The following RASA1 variants were observed in gnomAD, a reference collection of about 807,000 sequenced individuals.
RASA1 encodes the protein ras GTPase-activating protein 1.
RASA1 carries 25 observed loss-of-function variants against 132.2 expected under a neutral mutation model. That is an observed-to-expected ratio of 0.19 (90% CI 0.14 to 0.26). RASA1 has a LOEUF of 0.26. Ranked by LOEUF, RASA1 falls within the 10% of genes least tolerant of loss-of-function variation. The probability of loss-of-function intolerance (pLI) is 1.00; values close to 1 mark genes in which losing one functional copy is unlikely to be tolerated. For missense variants in RASA1, 964 were observed against 1,299.2 expected (o/e 0.74, Z 3.97); for synonymous variants, 477 against 449.9 (o/e 1.06, Z -0.76).
At chr5:87,344,678 A>AT (rs113174684) in intron 6 of RASA1, among the ~76,000 whole-genome samples, 3,800 of 131,028 alleles carry the variant, frequency 0.029, 71 homozygotes, top group South Asian at 0.036. Context: ...AAATGTTGTA[A>AT]TTTTTTTTTT....
intron 11 of RASA1, among the ~76,000 whole-genome samples, chr5:87,365,991 G>T (rs1419919322): frequency 6.6e-6 from 1 of 152,062 alleles, no homozygotes; most frequent in Non-Finnish European, 1.5e-5. Context: ...GGTGAGAAAT[G>T]GAATCAAAAT....
At chr5:87,279,307 A>G (rs1394374222) in intron 1 of RASA1, among the ~76,000 whole-genome samples, 2 of 152,156 alleles carry the variant, frequency 1.3e-5, no homozygotes, top group African/African-American at 2.4e-5. Context: ...TAATTTGTCA[A>G]GTTCGTGTAA....
At chr5:87,269,214 T>A (rs1021227841) in intron 1 of RASA1, 2 of 1,575,784 alleles carry the variant, frequency 1.3e-6, no homozygotes, top group African/African-American at 1.3e-5. Context: ...AAGTGTAAAG[T>A]CTTTAAGATG....
At chr5:87,359,879 C>T (rs959557822) in intron 9 of RASA1, among the ~76,000 whole-genome samples, 13 of 152,270 alleles carry the variant, frequency 8.5e-5, no homozygotes, top group Admixed American at 7.8e-4. Context: ...GAAAGGTTTA[C>T]GTACCTGAAA....
intron 5 of RASA1, 127 bp from the exon 6 acceptor site, chr5:87,341,163 C>A: frequency 1.9e-6 from 1 of 533,084 alleles, no homozygotes; most frequent in Non-Finnish European, 2.9e-6. Context: ...ACAGAAACAT[C>A]TTTTTTTATA....
intron 1 of RASA1, among the ~76,000 whole-genome samples, chr5:87,295,804 G>A (rs1205970102): frequency 2.7e-5 from 4 of 148,914 alleles, no homozygotes; most frequent in Non-Finnish European, 4.5e-5. Context: ...GAGCCACCAC[G>A]CCTGTCCTCT....
chr5:87,382,421 A>G (rs1013487090), intron 20 of RASA1, among the ~76,000 whole-genome samples: 2 of 152,172 alleles, frequency 1.3e-5, no homozygotes, highest in African/African-American at 4.8e-5. Context: ...GAATTGCGTA[A>G]CTCATTATTT....
Position 87,349,299 on chromosome 5 carries a change from T to G in RASA1, c.1188T>G (p.Ile396Met), listed in dbSNP as rs1345859055. The G allele has an allele frequency of 6.2e-7, 1 of 1,612,264 alleles. No homozygotes were observed. Among genetic ancestry groups the G allele is most frequent in the Non-Finnish European group, 8.5e-7 (1 of 1,178,834 alleles). ...YSLYFRTNEN[I>M]QRFKICPTPN... Reference sequence around the variant, plus strand: ...TTTATTTCCGGACCAATGAAAATATTCAGCGATTTAAAATATGTCCAACGC... The same window carrying G: ...TTTATTTCCGGACCAATGAAAATATGCAGCGATTTAAAATATGTCCAACGC... The change falls in exon 8 of 25, where the codon ATT becomes ATG. Residue 396 changes from isoleucine to methionine, a missense_variant. This residue lies in a region of RASA1 where 154 missense variants were observed against 286.5 expected (regional missense o/e 0.54). Transcript: ENST00000274376.
intron 8 of RASA1, among the ~76,000 whole-genome samples, chr5:87,350,799 C>T (rs922102975): frequency 1.3e-5 from 2 of 150,864 alleles, no homozygotes; most frequent in Non-Finnish European, 3.0e-5. Context: ...ATTTTTCTTC[C>T]CTGTGAATTT....
At chr5:87,372,986 C>T (rs948889212) in intron 13 of RASA1, among the ~76,000 whole-genome samples, 16 of 152,220 alleles carry the variant, frequency 1.1e-4, no homozygotes, top group African/African-American at 3.4e-4. Context: ...TTTAAGTATA[C>T]ACACAATCGC....
intron 8 of RASA1, 56 bp downstream of exon 8, chr5:87,349,420 G>T: frequency 1.3e-6 from 2 of 1,572,876 alleles, no homozygotes; most frequent in Non-Finnish European, 1.7e-6. Flanking sequence ...TTGAAATCTT[G>T]ATAATACAGT....
At chr5:87,378,593 A>G (rs904359828) in intron 18 of RASA1, 55 bp downstream of exon 18, 5 of 1,498,414 alleles carry the variant, frequency 3.3e-6, no homozygotes, top group African/African-American at 1.4e-5. Flanking sequence ...TTTAATAGGT[A>G]ATAATTTGTA....
chr5:87,299,144 G>A (rs144394551), intron 1 of RASA1, among the ~76,000 whole-genome samples: 31 of 152,274 alleles, frequency 2.0e-4, no homozygotes, highest in African/African-American at 7.2e-4. Flanking sequence ...GGAGTCCTAT[G>A]AGTCATTAAT....
intron 1 of RASA1, among the ~76,000 whole-genome samples, chr5:87,292,368 T>C (rs1293099173): frequency 3.7e-5 from 5 of 133,850 alleles, no homozygotes; most frequent in Non-Finnish European, 7.8e-5. Flanking sequence ...GTTTACATTC[T>C]TTTTTTTTTT....
intron 1 of RASA1, among the ~76,000 whole-genome samples, chr5:87,298,412 C>CAA (rs1255095778): frequency 2.9e-4 from 17 of 58,886 alleles, no homozygotes; most frequent in African/African-American, 6.9e-4. Flanking sequence ...GACTCTGTCT[C>CAA]AAAAAAAAAA....
At chr5:87,338,535 AATT>A (rs1758179226) in intron 5 of RASA1, among the ~76,000 whole-genome samples, 1 of 95,886 alleles carries the variant, frequency 1.0e-5, no homozygotes, top group Non-Finnish European at 1.9e-5. Flanking sequence ...ATATATATAA[AATT>A]TTTTTTTTTT....
chr5:87,341,508 A>G (rs1006077422), intron 6 of RASA1, among the ~76,000 whole-genome samples, 187 bp downstream of exon 6: 1 of 152,144 alleles, frequency 6.6e-6, no homozygotes, highest in Non-Finnish European at 1.5e-5. Flanking sequence ...TTTTAAATAA[A>G]AGGTAGCTGA....
chr5:87,360,852 C>CTAAT (rs1760033935), intron 9 of RASA1, among the ~76,000 whole-genome samples: 1 of 152,132 alleles, frequency 6.6e-6, no homozygotes, highest in Admixed American at 6.5e-5. Flanking sequence ...TCTGATTTTT[C>CTAAT]TAATTGTCAA....
At position 87,379,869 on chromosome 5, in the gene RASA1, A is replaced by C; in HGVS notation, c.2603+19A>C. On this transcript the variant is annotated intron_variant, in intron 19 of 24. Coordinates refer to ENST00000274376, the MANE Select transcript of RASA1 (RefSeq NM_002890.3). ...TTCCACCGTAAGTGGTGAAATTTTCATTTGACAAGAAATTGTGTATCTATG... is the reference window on the plus strand; with the variant it reads ...TTCCACCGTAAGTGGTGAAATTTTCCTTTGACAAGAAATTGTGTATCTATG... 5 of 1,608,108 alleles carry C rather than the reference A, an allele frequency of 3.1e-6. No homozygotes were observed. Among genetic ancestry groups the C allele is most frequent in the Non-Finnish European group, 4.3e-6 (5 of 1,175,396 alleles).
Sources: gnomAD v4.1 joint callset for allele counts (sites outside exome capture counted in the v4.1 genomes callset) on GRCh38, gnomAD v4.1.1 for gene constraint, gnomAD v4.1.1 regional missense constraint, MANE v1.5 for transcripts, NCBI Gene and HGNC (gene_info 2026-07-23, HGNC 2026-07-21) for gene names.